MLLT3: variants seen among roughly 807,000 people sequenced by gnomAD.
MLLT3 encodes MLLT3 super elongation complex subunit.
A neutral mutation model predicts 53.2 loss-of-function variants in MLLT3; 4 were observed. That is an observed-to-expected ratio of 0.08 (90% CI 0.04 to 0.17). The LOEUF is 0.17. Among genes scored for constraint, MLLT3 ranks in the 10% least tolerant of loss-of-function variants. The pLI, the probability that MLLT3 is intolerant of heterozygous loss-of-function variation, is 1.00. For synonymous variants in MLLT3, 283 were observed against 230.6 expected (o/e 1.23, Z -2.06); for missense variants, 569 against 684.0 (o/e 0.83, Z 1.87).
At chr9:20,610,526 G>C (rs1820674973) in intron 2 of MLLT3, among the ~76,000 whole-genome samples, 1 of 152,080 alleles carries the variant, frequency 6.6e-6, no homozygotes, top group Non-Finnish European at 1.5e-5. Context: ...TAACTTACAG[G>C]AGTGGAAAGT....
chr9:20,362,388 T>C (rs549538948), intron 7 of MLLT3, among the ~76,000 whole-genome samples: 1 of 152,302 alleles, frequency 6.6e-6, no homozygotes, highest in East Asian at 1.9e-4. Context: ...AGGATTTTGG[T>C]TGGTATAAGT....
chr9:20,353,483 T>C (rs1448339969), intron 10 of MLLT3, 42 bp downstream of exon 10: 8 of 1,565,190 alleles, frequency 5.1e-6, no homozygotes, highest in Non-Finnish European at 7.0e-6. Context: ...AAACCAAGTC[T>C]TGAAGTTTCT....
chr9:20,616,358 C>G (rs1820833747), intron 2 of MLLT3, among the ~76,000 whole-genome samples: 1 of 152,136 alleles, frequency 6.6e-6, no homozygotes, highest in South Asian at 2.1e-4. Context: ...ACTTTTAGAT[C>G]TTTAACTTTT....
intron 2 of MLLT3, among the ~76,000 whole-genome samples, chr9:20,606,340 C>A (rs569995096): frequency 5.3e-5 from 8 of 151,626 alleles, no homozygotes; most frequent in Admixed American, 3.3e-4. Context: ...GGGGTGAAGG[C>A]GGATTCATGA....
intron 10 of MLLT3, among the ~76,000 whole-genome samples, chr9:20,348,399 C>A (rs923168746): frequency 2.6e-5 from 4 of 152,308 alleles, no homozygotes; most frequent in African/African-American, 9.6e-5. Context: ...GGGTATGCAT[C>A]TTTTGCCTTC....
chr9:20,565,190 C>A (rs1425927471), intron 2 of MLLT3, among the ~76,000 whole-genome samples: 2 of 151,764 alleles, frequency 1.3e-5, no homozygotes, highest in Non-Finnish European at 2.9e-5. Flanking sequence ...TAAAAGGATG[C>A]CCCACTGAGT....
intron 4 of MLLT3, among the ~76,000 whole-genome samples, chr9:20,427,419 A>T (rs1396532869): frequency 6.6e-6 from 1 of 152,078 alleles, no homozygotes; most frequent in East Asian, 1.9e-4. Flanking sequence ...ATAAACTGCC[A>T]TAATACAAAG....
intron 5 of MLLT3, among the ~76,000 whole-genome samples, chr9:20,376,725 G>A (rs1417439056): frequency 6.6e-6 from 1 of 152,136 alleles, no homozygotes; most frequent in Non-Finnish European, 1.5e-5. Context: ...AAGCAGAAGA[G>A]CCTCAAGTCT....
intron 4 of MLLT3, among the ~76,000 whole-genome samples, chr9:20,439,748 C>T (rs1372491245): frequency 6.6e-6 from 1 of 152,022 alleles, no homozygotes; most frequent in Non-Finnish European, 1.5e-5. Context: ...ATATTAAATG[C>T]AAAATATAGA....
At chr9:20,538,364 G>GT (rs1386233657) in intron 2 of MLLT3, among the ~76,000 whole-genome samples, 1 of 152,170 alleles carries the variant, frequency 6.6e-6, no homozygotes, top group Non-Finnish European at 1.5e-5. Context: ...TTATAAGTAA[G>GT]TAAGTAACAC....
At chr9:20,453,292 G>T (rs1823881794) in intron 3 of MLLT3, among the ~76,000 whole-genome samples, 1 of 152,146 alleles carries the variant, frequency 6.6e-6, no homozygotes, top group Admixed American at 6.5e-5. Flanking sequence ...CAGTTGGGGT[G>T]GCTCACACCT....
intron 2 of MLLT3, among the ~76,000 whole-genome samples, chr9:20,523,946 AG>A (rs1818133297): frequency 6.6e-6 from 1 of 151,096 alleles, no homozygotes; most frequent in African/African-American, 2.4e-5. Context: ...TCTCCAGCCT[AG>A]GCAACAGAGC....
Position 20,344,254 on chromosome 9 carries a change from C to T in MLLT3, c.*2189G>A, listed in dbSNP as rs767358030. On this transcript the variant is annotated 3_prime_UTR_variant, in exon 11 of 11. Transcript: ENST00000380338. ...TACATTGGCAAATCATATTTTTTGCCCCACAATTTAGTTACAGAAATAAAA... is the reference window on the plus strand; with the variant it reads ...TACATTGGCAAATCATATTTTTTGCTCCACAATTTAGTTACAGAAATAAAA... 2.0e-5 allele frequency: 4 copies of T among 198,078 alleles called. No individual in the cohort carries two copies. The highest frequency in any genetic ancestry group is 3.1e-5 in the Non-Finnish European group (3 of 96,128). The allele number at this position is 198,078 out of a possible 1,614,324, so 12.3% of individuals were successfully genotyped here. A position where few individuals can be genotyped will look rare whatever the true frequency, so the allele number is the denominator to read the frequency against.
intron 8 of MLLT3, among the ~76,000 whole-genome samples, chr9:20,357,732 C>T (rs1307693855): frequency 6.6e-6 from 1 of 152,050 alleles, no homozygotes; most frequent in Non-Finnish European, 1.5e-5. Context: ...TTCTCTAGTC[C>T]CTGGAAGATT....
At chr9:20,478,136 G>C (rs1010877780) in intron 2 of MLLT3, among the ~76,000 whole-genome samples, 1 of 152,044 alleles carries the variant, frequency 6.6e-6, no homozygotes, top group Non-Finnish European at 1.5e-5. Flanking sequence ...TAGATCCTTT[G>C]CAACTGCTTG....
At chr9:20,491,301 A>G (rs1824941061) in intron 2 of MLLT3, among the ~76,000 whole-genome samples, 1 of 152,156 alleles carries the variant, frequency 6.6e-6, no homozygotes, top group Non-Finnish European at 1.5e-5. Flanking sequence ...TTATATGAAG[A>G]AAAAAATGAA....
At chr9:20,391,407 T>C (rs1396325845) in intron 5 of MLLT3, among the ~76,000 whole-genome samples, 1 of 152,182 alleles carries the variant, frequency 6.6e-6, no homozygotes, top group Non-Finnish European at 1.5e-5. Flanking sequence ...GGGGGAACTG[T>C]ACTCATTCTT....
chr9:20,556,459 C>T (rs969835394), intron 2 of MLLT3, among the ~76,000 whole-genome samples: 3 of 151,998 alleles, frequency 2.0e-5, no homozygotes, highest in African/African-American at 4.8e-5. Flanking sequence ...CCGAGGTGGG[C>T]GGATCACAAG....
In MLLT3 at chr9:20,345,050, CA is replaced by C; in HGVS notation, c.*1392del. Reference sequence around the variant, plus strand: ...TATGGAGAAGATGGAATAATGACACCAAAAGTACTTTGGTTTTTTTCTTTTA... The same window carrying C: ...TATGGAGAAGATGGAATAATGACACCAAAGTACTTTGGTTTTTTTCTTTTA... On this transcript the variant is annotated 3_prime_UTR_variant, in exon 11 of 11. Coordinates refer to ENST00000380338, the MANE Select transcript of MLLT3 (RefSeq NM_004529.4). 4.6e-6 allele frequency: 1 copy of C among 216,726 alleles called. No individual in the cohort carries two copies. The highest frequency in any genetic ancestry group is 9.3e-6 in the Non-Finnish European group (1 of 107,602). 13.4% of individuals were successfully genotyped at this position (216,726 alleles called of 1,614,324 possible). A position where few individuals can be genotyped will look rare whatever the true frequency, so the allele number is the denominator to read the frequency against.
Sources: allele counts gnomAD v4.1 joint callset (sites outside exome capture counted in the v4.1 genomes callset), GRCh38; gene constraint gnomAD v4.1.1; transcripts MANE v1.5; gene names NCBI Gene and HGNC (gene_info 2026-07-23, HGNC 2026-07-21).